Variants in NFIB observed in about 807,000 individuals in gnomAD.
NFIB encodes nuclear factor 1 B-type.
Under a neutral mutation model 61.5 loss-of-function variants are expected in NFIB, and 11 were observed. That is an observed-to-expected ratio of 0.18 (90% confidence interval 0.11 to 0.30). The LOEUF (loss-of-function observed/expected upper bound fraction) is 0.30, where lower values mean the gene tolerates loss of function less well. Ranked by LOEUF, NFIB falls within the 10% of genes least tolerant of loss-of-function variation. The pLI is 1.00. For missense variants in NFIB, 471 were observed against 608.9 expected, an observed-to-expected ratio of 0.77 and a Z score of 2.38; for synonymous variants, 260 against 216.5, an observed-to-expected ratio of 1.20 and a Z score of -1.76.
chr9:14,444,483 T>C, the NFIB span, among the ~76,000 whole-genome samples: 1 of 152,232 alleles, frequency 6.6e-6, no homozygotes, highest in African/African-American at 2.4e-5. Context: ...ATGGTAATTG[T>C]TGAAACTCTG....
chr9:14,168,997 T>C (rs2045254919), intron 3 of NFIB, among the ~76,000 whole-genome samples: 1 of 152,198 alleles, frequency 6.6e-6, no homozygotes. Flanking sequence ...GAATACTTTA[T>C]CATGTCCCAA....
intron 6 of NFIB, among the ~76,000 whole-genome samples, chr9:14,126,069 A>C (rs973399149): frequency 1.1e-4 from 16 of 152,184 alleles, no homozygotes; most frequent in Non-Finnish European, 2.4e-4. Context: ...GTTCACACAA[A>C]GGCCTTCTTT....
At chr9:14,096,484 T>A (rs1238862757) in intron 10 of NFIB, 1 of 152,162 alleles carries the variant, frequency 6.6e-6, no homozygotes, top group Non-Finnish European at 1.5e-5. Flanking sequence ...TCTAACATCT[T>A]GTCTCAGGAT....
chr9:14,348,082 C>T (rs73417793), intron 1 of NFIB, among the ~76,000 whole-genome samples: 18,541 of 152,196 alleles, frequency 0.12, 1,901 homozygotes, highest in African/African-American at 0.28. Flanking sequence ...ACGAAGTCGC[C>T]CAACCCAAGT....
At chr9:14,183,497 G>C (rs937198577) in intron 2 of NFIB, among the ~76,000 whole-genome samples, 2 of 151,624 alleles carry the variant, frequency 1.3e-5, no homozygotes, top group African/African-American at 2.4e-5. Context: ...TCCACCTCCT[G>C]GGTTCAAGCC....
At chr9:14,516,871 T>A in the NFIB span, among the ~76,000 whole-genome samples, 1 of 152,242 alleles carries the variant, frequency 6.6e-6, no homozygotes. Context: ...TTTACCTAAA[T>A]CTGCATGGTG....
chr9:14,250,889 C>T (rs984448687), intron 2 of NFIB, among the ~76,000 whole-genome samples: 3 of 152,100 alleles, frequency 2.0e-5, no homozygotes, highest in Non-Finnish European at 1.5e-5. Context: ...GAGTATAGTA[C>T]CTCCTTTCTT....
chr9:14,144,994 T>C (rs1330806752), intron 6 of NFIB, among the ~76,000 whole-genome samples: 1 of 152,198 alleles, frequency 6.6e-6, no homozygotes, highest in Admixed American at 6.5e-5. Flanking sequence ...GCAGTGGGAA[T>C]TGACTAAAGG....
chr9:14,224,101 C>T (rs2052049804), intron 2 of NFIB, among the ~76,000 whole-genome samples: 2 of 152,188 alleles, frequency 1.3e-5, no homozygotes, highest in Non-Finnish European at 2.9e-5. Context: ...TTCCAGTCCC[C>T]ACACTTATTA....
chr9:14,257,312 G>GA (rs1319133183), intron 2 of NFIB, among the ~76,000 whole-genome samples: 3 of 152,132 alleles, frequency 2.0e-5, no homozygotes, highest in South Asian at 2.1e-4. Flanking sequence ...CTGCACAGCT[G>GA]AAAAAAACTG....
intron 2 of NFIB, among the ~76,000 whole-genome samples, chr9:14,259,208 A>G (rs1457342880): frequency 6.6e-6 from 1 of 152,250 alleles, no homozygotes. Context: ...ATAAAAGAGC[A>G]CTGAAAAAAG....
At chr9:14,223,299 T>C (rs1439318956) in intron 2 of NFIB, among the ~76,000 whole-genome samples, 1 of 152,218 alleles carries the variant, frequency 6.6e-6, no homozygotes. Flanking sequence ...ACTGAGCTGA[T>C]CTACTCTGAC....
At chr9:14,511,875 A>G in the NFIB span, among the ~76,000 whole-genome samples, 67 of 152,326 alleles carry the variant, frequency 4.4e-4, no homozygotes, top group Non-Finnish European at 7.9e-4. Flanking sequence ...TTTACCATAT[A>G]AAGTTCAGAA....
the NFIB span, among the ~76,000 whole-genome samples, chr9:14,519,850 G>A: frequency 7.2e-5 from 11 of 152,180 alleles, no homozygotes; most frequent in African/African-American, 2.7e-4. Context: ...GTTGAGCCCA[G>A]ATAGTCTAGC....
At chr9:14,449,775 CAA>C in the NFIB span, among the ~76,000 whole-genome samples, 4 of 150,082 alleles carry the variant, frequency 2.7e-5, no homozygotes, top group African/African-American at 9.8e-5. Flanking sequence ...ACTAAAAATA[CAA>C]AAAAAAATTA....
At chr9:14,122,070 C>G (rs2039013708) in intron 7 of NFIB, among the ~76,000 whole-genome samples, 1 of 149,600 alleles carries the variant, frequency 6.7e-6, no homozygotes, top group Non-Finnish European at 1.5e-5. Flanking sequence ...CGATAAATGT[C>G]TAATGTTTTA....
At chr9:14,423,854 A>G in the NFIB span, among the ~76,000 whole-genome samples, 1 of 152,098 alleles carries the variant, frequency 6.6e-6, no homozygotes, top group Non-Finnish European at 1.5e-5. Context: ...CACCATATGT[A>G]TTTTTATATT....
At chr9:14,466,914 A>G in the NFIB span, among the ~76,000 whole-genome samples, 150,239 of 152,222 alleles carry the variant, frequency 0.99, 74,156 homozygotes, top group Middle Eastern at 1. Flanking sequence ...GCCTGAAAAC[A>G]AGCCAAGGCT....
intron 10 of NFIB, among the ~76,000 whole-genome samples, chr9:14,090,351 T>G (rs963323671): frequency 1.3e-5 from 2 of 152,144 alleles, no homozygotes; most frequent in Admixed American, 1.3e-4. Flanking sequence ...CACACACATC[T>G]TCAACAATTA....
Sources: gnomAD v4.1 joint callset for allele counts (sites outside exome capture counted in the v4.1 genomes callset) on GRCh38, gnomAD v4.1.1 for gene constraint, MANE v1.5 for transcripts, NCBI Gene and HGNC (gene_info 2026-07-23, HGNC 2026-07-21) for gene names.